The following CTNND2 variants were observed in gnomAD, a reference collection of about 807,000 sequenced individuals.
CTNND2 encodes catenin delta 2, also known as catenin delta-2.
CTNND2 carries 22 observed loss-of-function variants against 144.4 expected under a neutral mutation model. The ratio of observed to expected loss-of-function variants is 0.15; its 90% CI spans 0.11 to 0.22. The LOEUF is 0.22. Among genes scored for constraint, CTNND2 ranks in the 10% least tolerant of loss-of-function variants. The pLI is 1.00. For missense variants in CTNND2, 1,353 were observed against 1,618.8 expected (o/e 0.84, Z 2.82); for synonymous variants, 751 against 695.6 (o/e 1.08, Z -1.25).
At chr5:11,775,457 A>T (rs1790201115) in intron 1 of CTNND2, among the ~76,000 whole-genome samples, 1 of 152,202 alleles carries the variant, frequency 6.6e-6, no homozygotes, top group Non-Finnish European at 1.5e-5. Flanking sequence ...TAAGCACTCA[A>T]TAACTGTCTA....
At chr5:11,396,798 G>C (rs1220518879) in intron 6 of CTNND2, among the ~76,000 whole-genome samples, 1 of 152,140 alleles carries the variant, frequency 6.6e-6, no homozygotes, top group Non-Finnish European at 1.5e-5. Flanking sequence ...GGTATAGCGT[G>C]AACAATACAT....
At chr5:11,044,586 T>G (rs1745041694) in intron 16 of CTNND2, among the ~76,000 whole-genome samples, 1 of 152,066 alleles carries the variant, frequency 6.6e-6, no homozygotes, top group Non-Finnish European at 1.5e-5. Flanking sequence ...GGCTTCTTTT[T>G]AAGTCTGAAG....
chr5:11,799,149 T>C (rs2126883589), intron 1 of CTNND2, among the ~76,000 whole-genome samples: 1 of 152,316 alleles, frequency 6.6e-6, no homozygotes, highest in Admixed American at 6.5e-5. Flanking sequence ...AGCATTTATA[T>C]TTAGGTCTTA....
At chr5:11,373,801 T>C (rs1757671877) in intron 7 of CTNND2, among the ~76,000 whole-genome samples, 1 of 152,188 alleles carries the variant, frequency 6.6e-6, no homozygotes, top group Non-Finnish European at 1.5e-5. Context: ...GAAATATCCA[T>C]TCCTGAAAGT....
intron 3 of CTNND2, among the ~76,000 whole-genome samples, chr5:11,426,598 G>A (rs937852813): frequency 6.6e-5 from 10 of 152,214 alleles, no homozygotes; most frequent in Non-Finnish European, 1.5e-4. Flanking sequence ...GACTCATGAT[G>A]TGTTGTGGGA....
At chr5:11,390,650 T>C (rs1013875535) in intron 6 of CTNND2, among the ~76,000 whole-genome samples, 28 of 152,098 alleles carry the variant, frequency 1.8e-4, no homozygotes, top group African/African-American at 6.0e-4. Context: ...TGCCAGCAAG[T>C]CCCCCAGTTC....
chr5:11,246,006 T>C (rs1742960077), intron 9 of CTNND2, among the ~76,000 whole-genome samples: 1 of 152,242 alleles, frequency 6.6e-6, no homozygotes, highest in Non-Finnish European at 1.5e-5. Flanking sequence ...AGCTTTCACC[T>C]CTTGCCATGT....
intron 9 of CTNND2, among the ~76,000 whole-genome samples, chr5:11,299,775 T>C (rs1398183448): frequency 2.6e-5 from 4 of 152,118 alleles, no homozygotes; most frequent in Non-Finnish European, 4.4e-5. Context: ...GCTGGGAGCC[T>C]GGGCCAGCCA....
At chr5:11,357,909 G>C (rs1219615352) in intron 8 of CTNND2, among the ~76,000 whole-genome samples, 1 of 152,122 alleles carries the variant, frequency 6.6e-6, no homozygotes, top group Non-Finnish European at 1.5e-5. Flanking sequence ...GAGCATGTCT[G>C]GTGTTGAGGG....
chr5:11,699,453 G>A (rs577152434), intron 2 of CTNND2, among the ~76,000 whole-genome samples: 1 of 152,232 alleles, frequency 6.6e-6, no homozygotes, highest in African/African-American at 2.4e-5. Flanking sequence ...ATGGGTATGT[G>A]GAGTTCAATT....
At chr5:11,713,080 C>T (rs1053025274) in intron 2 of CTNND2, among the ~76,000 whole-genome samples, 9 of 152,144 alleles carry the variant, frequency 5.9e-5, no homozygotes, top group African/African-American at 2.2e-4. Context: ...ATATTCCTCT[C>T]CTTATGAAAA....
chr5:10,973,737 C>A lies in CTNND2; in HGVS notation c.3418-24G>T. 6.4e-7 allele frequency: 1 copy of A among 1,565,896 alleles called. No individual in the cohort carries two copies. The highest frequency in any genetic ancestry group is 1.2e-5 in the South Asian group (1 of 81,540). On this transcript the variant is annotated intron_variant, in intron 21 of 21. Coordinates refer to ENST00000304623, the MANE Select transcript of CTNND2 (RefSeq NM_001332.4). This position sits in a 1 kb window ranked among gnomAD's most constrained non-coding sequence, Gnocchi z 5.6. Reference sequence around the variant, plus strand: ...ACCTAAACGGGAAAGAAGAGCCACACTGGGTTACTTGGTTTCCCTTGACTC... The same window carrying A: ...ACCTAAACGGGAAAGAAGAGCCACAATGGGTTACTTGGTTTCCCTTGACTC...
intron 3 of CTNND2, among the ~76,000 whole-genome samples, chr5:11,532,662 T>C (rs374423518): frequency 9.9e-5 from 15 of 151,980 alleles, no homozygotes; most frequent in African/African-American, 2.7e-4. Context: ...GTGGAAAAAA[T>C]AGTTTGTTCT....
At chr5:11,398,452 G>T (rs1442148900) in intron 5 of CTNND2, among the ~76,000 whole-genome samples, 3 of 152,022 alleles carry the variant, frequency 2.0e-5, no homozygotes, top group Non-Finnish European at 4.4e-5. Flanking sequence ...TTTTCTGATG[G>T]AACTTTGAAA....
At chr5:11,687,585 A>T (rs1784713200) in intron 2 of CTNND2, among the ~76,000 whole-genome samples, 1 of 152,184 alleles carries the variant, frequency 6.6e-6, no homozygotes, top group Admixed American at 6.5e-5. Context: ...AGGTGTGAGG[A>T]TCATCAAGTG....
chr5:11,232,959 G>T (rs1741205861), intron 10 of CTNND2, among the ~76,000 whole-genome samples: 1 of 152,114 alleles, frequency 6.6e-6, no homozygotes, highest in Non-Finnish European at 1.5e-5. Context: ...AGATCTGATG[G>T]TTTTATAAGT....
At chr5:11,016,444 C>A (rs916912813) in intron 18 of CTNND2, among the ~76,000 whole-genome samples, 3 of 152,088 alleles carry the variant, frequency 2.0e-5, no homozygotes, top group Non-Finnish European at 4.4e-5. Flanking sequence ...TATTTTTTTC[C>A]CCCATTGCTT....
chr5:11,005,018 G>C (rs1740335288), intron 18 of CTNND2, among the ~76,000 whole-genome samples: 1 of 152,196 alleles, frequency 6.6e-6, no homozygotes, highest in Admixed American at 6.5e-5. Context: ...CAGGCTGTAA[G>C]AGCCATGAAG....
chr5:11,675,572 G>A (rs749875603), intron 2 of CTNND2, among the ~76,000 whole-genome samples: 1 of 151,952 alleles, frequency 6.6e-6, no homozygotes, highest in African/African-American at 2.4e-5. Context: ...TTTGCCTTTT[G>A]CCTCTGAATT....
Sources: gnomAD v4.1 joint callset for allele counts (sites outside exome capture counted in the v4.1 genomes callset) on GRCh38, gnomAD v4.1.1 for gene constraint, Gnocchi (gnomAD v3.1) non-coding constraint, MANE v1.5 for transcripts, NCBI Gene and HGNC (gene_info 2026-07-23, HGNC 2026-07-21) for gene names.